SLC10A7: variants seen among roughly 807,000 people sequenced by gnomAD.
SLC10A7 encodes the protein solute carrier family 10 member 7, also known as sodium/bile acid cotransporter 7.
A neutral mutation model predicts 43.2 loss-of-function variants in SLC10A7; 29 were observed. That is an observed-to-expected ratio of 0.67 (90% CI 0.50 to 0.92). SLC10A7 has a LOEUF of 0.92. Among genes scored for constraint, SLC10A7 ranks in the 40% least tolerant of loss-of-function variants. The probability of loss-of-function intolerance (pLI) is 0.00; values close to 1 mark genes in which losing one functional copy is unlikely to be tolerated. For missense variants in SLC10A7, 295 were observed against 403.2 expected, an observed-to-expected ratio of 0.73 and a Z score of 2.30; for synonymous variants, 152 against 144.8, an observed-to-expected ratio of 1.05 and a Z score of -0.35.
intron 10 of SLC10A7, among the ~76,000 whole-genome samples, chr4:146,270,302 CCT>C (rs1405405242): frequency 1.3e-5 from 2 of 152,152 alleles, no homozygotes; most frequent in African/African-American, 2.4e-5. Flanking sequence ...TTTCTATTCT[CCT>C]CTGTTTTCTC....
At chr4:146,359,439 A>G (rs1279949865) in intron 5 of SLC10A7, among the ~76,000 whole-genome samples, 1 of 152,152 alleles carries the variant, frequency 6.6e-6, no homozygotes, top group East Asian at 1.9e-4. Flanking sequence ...TTGTGACTTA[A>G]GATGTTCACC....
chr4:146,327,770 C>G lies in SLC10A7; in HGVS notation c.436-1774G>C, dbSNP rs556518797. On this transcript the variant is annotated intron_variant, in intron 5 of 11. Coordinates refer to ENST00000335472, the MANE Select transcript of SLC10A7 (RefSeq NM_001029998.6). The stretch of plus-strand genomic sequence containing the variant: ...ACCGGCGCTGCCACAACTACCTGTG[C>G]GCATTGTCCAGGGGCCTGAGGATTG... Among the ~76,000 whole-genome samples the G allele has an allele frequency of 1.4e-4, 22 of 152,336 alleles. No individual in the cohort carries two copies. The South Asian group carries it at 3.3e-3, about 23-fold the overall frequency.
intron 3 of SLC10A7, among the ~76,000 whole-genome samples, chr4:146,507,346 G>A (rs1475941741): frequency 1.3e-5 from 2 of 152,142 alleles, no homozygotes; most frequent in African/African-American, 4.8e-5. Flanking sequence ...CGGATCACGA[G>A]GTGAAGAGAT....
At chr4:146,447,861 T>G (rs935247044) in intron 4 of SLC10A7, among the ~76,000 whole-genome samples, 2 of 151,950 alleles carry the variant, frequency 1.3e-5, no homozygotes, top group Admixed American at 1.3e-4. Context: ...CTGAGCAAGT[T>G]CAATAATGAA....
chr4:146,319,930 G>A (rs918723859), intron 6 of SLC10A7, among the ~76,000 whole-genome samples: 1 of 152,038 alleles, frequency 6.6e-6, no homozygotes, highest in African/African-American at 2.4e-5. Context: ...TTTATCTATA[G>A]AAACAGGAGA....
chr4:146,502,471 T>A (rs1030410012), intron 4 of SLC10A7, among the ~76,000 whole-genome samples: 11 of 152,190 alleles, frequency 7.2e-5, no homozygotes, highest in African/African-American at 2.4e-4. Flanking sequence ...TCTTCCTTGA[T>A]TAAAAGGTAC....
chr4:146,303,514 A>T (rs531241858), intron 7 of SLC10A7, among the ~76,000 whole-genome samples: 1 of 151,612 alleles, frequency 6.6e-6, no homozygotes, highest in South Asian at 2.1e-4. Flanking sequence ...AGTAACTGGG[A>T]CCACCGGCAC....
In SLC10A7 at chr4:146,503,944, C is replaced by G. The variant is rs1395459355; in HGVS notation, c.321-20G>C. 1.2e-6 allele frequency: 2 copies of G among 1,605,968 alleles called. No individual in the cohort carries two copies. Among genetic ancestry groups the G allele is most frequent in the Non-Finnish European group, 1.7e-6 (2 of 1,172,990 alleles). On this transcript the variant is annotated intron_variant, in intron 3 of 11. Transcript: ENST00000335472. ...TGCAAACTGAAAAATAAAAGAAAAT[C>G]CAACTATAAATAATTTTATAATCAT...
At chr4:146,348,660 G>T (rs1282473037) in intron 5 of SLC10A7, among the ~76,000 whole-genome samples, 1 of 151,956 alleles carries the variant, frequency 6.6e-6, no homozygotes, top group South Asian at 2.1e-4. Context: ...ACATAAAAAC[G>T]TATCATTTAA....
At chr4:146,314,770 T>C (rs1160907542) in intron 6 of SLC10A7, among the ~76,000 whole-genome samples, 1 of 152,076 alleles carries the variant, frequency 6.6e-6, no homozygotes, top group Non-Finnish European at 1.5e-5. Context: ...AGAGGAGAAG[T>C]GTGGCTTTGG....
At chr4:146,411,778 T>C (rs1728210596) in intron 5 of SLC10A7, among the ~76,000 whole-genome samples, 1 of 152,180 alleles carries the variant, frequency 6.6e-6, no homozygotes, top group African/African-American at 2.4e-5. Context: ...CACTGAAGCC[T>C]ATAGGTGATC....
chr4:146,333,586 T>C (rs1372806003), intron 5 of SLC10A7, among the ~76,000 whole-genome samples: 1 of 151,926 alleles, frequency 6.6e-6, no homozygotes, highest in East Asian at 1.9e-4. Flanking sequence ...GAAGAGACTA[T>C]AAAGGCACTG....
chr4:146,487,036 C>T (rs1409270517), intron 4 of SLC10A7, among the ~76,000 whole-genome samples: 2 of 152,214 alleles, frequency 1.3e-5, no homozygotes, highest in African/African-American at 4.8e-5. Flanking sequence ...GCTCCCAGTG[C>T]AGGTAATCCT....
At chr4:146,471,622 A>T (rs1003481298) in intron 4 of SLC10A7, among the ~76,000 whole-genome samples, 1 of 152,212 alleles carries the variant, frequency 6.6e-6, no homozygotes, top group Non-Finnish European at 1.5e-5. Context: ...TGAAAATGAT[A>T]GTTGTTACAA....
chr4:146,298,198 T>TTAAA (rs1342062548), intron 7 of SLC10A7, among the ~76,000 whole-genome samples: 1 of 152,178 alleles, frequency 6.6e-6, no homozygotes, highest in Non-Finnish European at 1.5e-5. Flanking sequence ...GATTAAGTAA[T>TTAAA]TAAATAAATA....
chr4:146,365,136 A>G (rs1025839710), intron 5 of SLC10A7, among the ~76,000 whole-genome samples: 6 of 152,186 alleles, frequency 3.9e-5, no homozygotes, highest in African/African-American at 1.4e-4. Context: ...ATATATTATG[A>G]CCACATAAGA....
intron 5 of SLC10A7, among the ~76,000 whole-genome samples, chr4:146,334,228 G>C (rs1469899120): frequency 6.6e-6 from 1 of 152,088 alleles, no homozygotes; most frequent in Non-Finnish European, 1.5e-5. Flanking sequence ...TTATGGGACT[G>C]AAACTCAGAA....
At chr4:146,390,445 A>G (rs1285750617) in intron 5 of SLC10A7, among the ~76,000 whole-genome samples, 1 of 152,138 alleles carries the variant, frequency 6.6e-6, no homozygotes, top group African/African-American at 2.4e-5. Flanking sequence ...GCTAAGCAAC[A>G]TGGAGAAACC....
chr4:146,512,028 C>A (rs551061328), intron 2 of SLC10A7, among the ~76,000 whole-genome samples: 7 of 119,762 alleles, frequency 5.8e-5, no homozygotes. Context: ...GGCTGGAGTG[C>A]GATGGTGCGA....
Sources: gnomAD v4.1 joint callset for allele counts (sites outside exome capture counted in the v4.1 genomes callset) on GRCh38, gnomAD v4.1.1 for gene constraint, MANE v1.5 for transcripts, NCBI Gene and HGNC (gene_info 2026-07-23, HGNC 2026-07-21) for gene names.